Variants in RBM44 observed in about 807,000 individuals in gnomAD.
RBM44 encodes the protein RNA-binding protein 44.
In RBM44, 66 loss-of-function variants were observed where a neutral mutation model predicts 105.1. The ratio of observed to expected loss-of-function variants is 0.63; its 90% CI spans 0.52 to 0.77. The LOEUF (loss-of-function observed/expected upper bound fraction) is 0.77, where lower values mean the gene tolerates loss of function less well. Ranked by LOEUF, RBM44 falls within the 30% of genes least tolerant of loss-of-function variation. The pLI is 0.00. For synonymous variants in RBM44, 365 were observed against 417.6 expected (o/e 0.87, Z 1.54); for missense variants, 1,122 against 1,207.8 (o/e 0.93, Z 1.05).
chr2:237,815,140 G>A (rs1022214770), intron 2 of RBM44, among the ~76,000 whole-genome samples: 3 of 152,146 alleles, frequency 2.0e-5, no homozygotes, highest in Admixed American at 2.0e-4. Flanking sequence ...GCAAGACCCT[G>A]TCTCTTAAAA....
intron 1 of RBM44, among the ~76,000 whole-genome samples, chr2:237,804,753 T>G (rs2061581456): frequency 6.6e-6 from 1 of 152,138 alleles, no homozygotes; most frequent in African/African-American, 2.4e-5. Flanking sequence ...AGGTTGTCTG[T>G]TTACTCTGTT....
In RBM44 at chr2:237,817,235, G is replaced by C; in HGVS notation, c.316G>C (p.Ala106Pro). The change falls in exon 3 of 16, where the codon GCT (alanine) becomes CCT (proline). Residue 106 changes from alanine (A) to proline (P), a missense_variant. Transcript: ENST00000316997. The stretch of plus-strand genomic sequence containing the variant: ...TGAACTTGAAGACAGTACTGACTAT[G>C]CTTTCTTGAATAAAACATATTCTAT... ...SSELEDSTDY[A>P]FLNKTYSIPY... is the part of the protein sequence containing the mutation. 1 of 1,604,758 alleles carries C rather than the reference G, an allele frequency of 6.2e-7. No homozygotes were observed. The highest frequency in any genetic ancestry group is 8.5e-7 in the Non-Finnish European group (1 of 1,176,400).
At chr2:237,805,901 G>T (rs764540192) in intron 1 of RBM44, among the ~76,000 whole-genome samples, 12 of 152,128 alleles carry the variant, frequency 7.9e-5, no homozygotes, top group Non-Finnish European at 1.3e-4. Flanking sequence ...GATCACTTGA[G>T]CCTGGGAGGT....
intron 1 of RBM44, among the ~76,000 whole-genome samples, chr2:237,812,281 C>T (rs2061667681): frequency 6.6e-6 from 1 of 152,006 alleles, no homozygotes; most frequent in Non-Finnish European, 1.5e-5. Flanking sequence ...ACTTTTTTGG[C>T]TTATTTTTAG....
Position 237,817,136 on chromosome 2 carries a change from A to C in RBM44, c.217A>C (p.Lys73Gln), listed in dbSNP as rs751685082. 1.2e-6 allele frequency: 2 copies of C among 1,609,082 alleles called. No individual in the cohort carries two copies. The highest frequency in any genetic ancestry group is 2.2e-5 in the East Asian group (1 of 44,790). The change falls in exon 3 of 16, where the codon AAA becomes CAA. Residue 73 changes from lysine (K) to glutamine (Q), a missense_variant. Around this residue, in one of 3 missense-constraint regions of RBM44, gnomAD observed 918 missense variants for 955.3 expected, o/e 0.96. Coordinates refer to ENST00000316997, the MANE Select transcript of RBM44 (RefSeq NM_001080504.3). ...TAATAAAGAAATCAGCAATATTGACAAAATGGATTTATTAGAGCCATTTTT... is the reference window on the plus strand; with the variant it reads ...TAATAAAGAAATCAGCAATATTGACCAAATGGATTTATTAGAGCCATTTTT... ...ANNKEISNID[K>Q]MDLLEPFFSV...
Position 237,834,385 on chromosome 2 carries a change from ACT to A in RBM44, c.3143_3144del (p.Ser1048CysfsTer39). 6.6e-7 allele frequency: 1 copy of A among 1,522,186 alleles called. No individual in the cohort carries two copies. Among genetic ancestry groups the A allele is most frequent in the African/African-American group, 1.4e-5 (1 of 71,858 alleles). The allele number at this position is 1,522,186 out of a possible 1,614,324, so 94.3% of individuals were successfully genotyped here. On this transcript the variant is annotated frameshift_variant, in exon 15 of 16. Transcript: ENST00000316997. LOFTEE classifies it high-confidence loss of function. The stretch of plus-strand genomic sequence containing the variant: ...GAGATGACTTCATCTCTTCTGAAAA[ACT>A]CTGCTTCCAGTTAGGAATTCAAAAA...
intron 2 of RBM44, among the ~76,000 whole-genome samples, chr2:237,816,557 A>C (rs921569146): frequency 1.3e-5 from 2 of 152,034 alleles, no homozygotes; most frequent in Admixed American, 1.3e-4. Context: ...ACAGGTGCTT[A>C]TTTTCTCATA....
intron 1 of RBM44, among the ~76,000 whole-genome samples, chr2:237,808,281 T>C (rs2061619996): frequency 6.6e-6 from 1 of 151,862 alleles, no homozygotes; most frequent in Non-Finnish European, 1.5e-5. Context: ...AAATCCCATC[T>C]CTACAAAAAA....
At chr2:237,828,578 G>C in intron 12 of RBM44, among the ~76,000 whole-genome samples, 1 of 152,046 alleles carries the variant, frequency 6.6e-6, no homozygotes, top group East Asian at 1.9e-4. Flanking sequence ...TTATAAAAAT[G>C]TATCCATAGT....
chr2:237,810,580 G>A (rs925755204), intron 1 of RBM44, among the ~76,000 whole-genome samples: 5 of 152,166 alleles, frequency 3.3e-5, no homozygotes, highest in Non-Finnish European at 7.3e-5. Context: ...ATCAATCACT[G>A]TAACACAAAT....
At chr2:237,837,224 T>A (rs1372030876) in intron 15 of RBM44, among the ~76,000 whole-genome samples, 2 of 152,226 alleles carry the variant, frequency 1.3e-5, no homozygotes, top group African/African-American at 2.4e-5. Flanking sequence ...TAATGGGGTT[T>A]TTTTTATGCC....
intron 5 of RBM44, 172 bp downstream of exon 5, chr2:237,820,523 C>T (rs1208561197): frequency 4.2e-6 from 2 of 472,472 alleles, no homozygotes; most frequent in East Asian, 6.9e-5. Context: ...ATGGAGGGGC[C>T]ACAGTGCGTG....
In RBM44 at chr2:237,817,997, A is replaced by G. The variant is rs1309485790; in HGVS notation, c.1078A>G (p.Thr360Ala). ...ATTACTGCACCTTGAAAATCCTAGC[A>G]CATTACCACAGGATAAAGCTTTAGA... Reference protein sequence around the residue: ...KILLHLENPSTLPQDKALETL... With the variant: ...KILLHLENPSALPQDKALETL... The change falls in exon 3 of 16, where the codon ACA becomes GCA. Residue 360 changes from threonine to alanine, a missense_variant. Transcript: ENST00000316997. 2 of 1,612,750 alleles carry G rather than the reference A, an allele frequency of 1.2e-6. No homozygotes were observed. Among genetic ancestry groups the G allele is most frequent in the East Asian group, 2.2e-5 (1 of 44,878 alleles).
At chr2:237,821,432 C>A in intron 7 of RBM44, 64 bp downstream of exon 7, 1 of 1,216,612 alleles carries the variant, frequency 8.2e-7, no homozygotes, top group Non-Finnish European at 1.2e-6. Context: ...ATTCAGTTAA[C>A]TTTAAACTTT....
At position 237,818,631 on chromosome 2, in the gene RBM44, T is replaced by C. The variant is rs1217312412; in HGVS notation, c.1677+35T>C. On this transcript the variant is annotated intron_variant, in intron 3 of 15. Transcript: ENST00000316997. The surrounding 1 kb of genome is among the most constrained non-coding windows in gnomAD (Gnocchi z 4.6). ...ATATGAGTAATAATAAAATTTGGAC[T>C]TTATAAAGAGACAGTGTATGCTAAT... 5 of 1,377,934 alleles carry C rather than the reference T, an allele frequency of 3.6e-6. No individual in the cohort carries two copies. The highest frequency in any genetic ancestry group is 3.9e-6 in the Non-Finnish European group (4 of 1,032,958). The allele number at this position is 1,377,934 out of a possible 1,614,324, so 85.4% of individuals were successfully genotyped here.
chr2:237,814,516 C>T (rs1216187532), intron 2 of RBM44, among the ~76,000 whole-genome samples: 1 of 151,258 alleles, frequency 6.6e-6, no homozygotes, highest in Non-Finnish European at 1.5e-5. Flanking sequence ...AAAATGGTCC[C>T]CCAAAAATAA....
At chr2:237,806,116 C>A (rs2061597235) in intron 1 of RBM44, among the ~76,000 whole-genome samples, 1 of 152,188 alleles carries the variant, frequency 6.6e-6, no homozygotes, top group South Asian at 2.1e-4. Context: ...AGGTGGTTTT[C>A]AAGGAAGTTT....
rs1398468930 is a variant in RBM44, at chr2:237,806,010, GAGTA to G, written c.-19+7152_-19+7155del. ...AATTAAAACAACAACAACAACAAAA[GAGTA>G]AGACCATAAACTATAAAAATCTTAG... is the stretch of plus-strand genomic sequence containing the variant. On this transcript the variant is annotated intron_variant, in intron 1 of 15. Transcript: ENST00000316997. 2.0e-5 allele frequency among the ~76,000 whole-genome samples: 3 copies of G among 152,056 alleles called. No individual in the cohort carries two copies. In the East Asian group the frequency reaches 5.8e-4, roughly 29 times the overall value.
At chr2:237,833,628 G>T (rs2061924551) in intron 13 of RBM44, among the ~76,000 whole-genome samples, 1 of 152,118 alleles carries the variant, frequency 6.6e-6, no homozygotes, top group South Asian at 2.1e-4. Context: ...TTTAATGAAT[G>T]AATCTCTCTC....
Sources: allele counts gnomAD v4.1 joint callset (sites outside exome capture counted in the v4.1 genomes callset), GRCh38; gene constraint gnomAD v4.1.1; regional missense constraint gnomAD v4.1.1; non-coding constraint Gnocchi (gnomAD v3.1); transcripts MANE v1.5; gene names NCBI Gene and HGNC (gene_info 2026-07-23, HGNC 2026-07-21).